The following PHF20L1 variants were observed in gnomAD, a reference collection of about 807,000 sequenced individuals.
PHF20L1 encodes the protein PHD finger protein 20 like 1, also known as PHD finger protein 20-like protein 1.
PHF20L1 carries 44 observed loss-of-function variants against 125.5 expected under a neutral mutation model. That is an observed-to-expected ratio of 0.35 (90% CI 0.28 to 0.45). The LOEUF is 0.45. Among genes scored for constraint, PHF20L1 ranks in the 20% least tolerant of loss-of-function variants. The pLI is 1.00. For missense variants in PHF20L1, 1,012 were observed against 1,217.2 expected (o/e 0.83, Z 2.51); for synonymous variants, 380 against 403.1 (o/e 0.94, Z 0.69).
chr8:132,816,852 G>A (rs768957517), intron 10 of PHF20L1, 36 bp from the exon 11 acceptor site: 1 of 1,361,874 alleles, frequency 7.3e-7, no homozygotes, highest in Admixed American at 1.7e-5. Context: ...CTCCTGGTAT[G>A]TATCTGCTTC....
chr8:132,789,521 A>G (rs900471334), intron 2 of PHF20L1, among the ~76,000 whole-genome samples: 1 of 152,206 alleles, frequency 6.6e-6, no homozygotes, highest in Non-Finnish European at 1.5e-5. Context: ...TGTTAAATTC[A>G]GCAAGAATCA....
intron 18 of PHF20L1, 143 bp from the exon 19 acceptor site, chr8:132,842,372 G>A: frequency 1.8e-6 from 1 of 561,696 alleles, no homozygotes; most frequent in Non-Finnish European, 2.9e-6. Context: ...AATCATGGAG[G>A]GAGTTAATTT....
At chr8:132,781,423 TA>T (rs1439975154) in intron 2 of PHF20L1, among the ~76,000 whole-genome samples, 11 of 152,322 alleles carry the variant, frequency 7.2e-5, no homozygotes, top group Non-Finnish European at 1.3e-4. Context: ...TTATTTTATT[TA>T]TTTTTTTGAG....
rs142829706 is a variant in PHF20L1, at chr8:132,790,857, A to G, written c.84-3553A>G. Among the ~76,000 whole-genome samples, 670 of 152,328 alleles carry G rather than the reference A, an allele frequency of 4.4e-3. 4 individuals are homozygous for G. The highest frequency in any genetic ancestry group is 0.015 in the African/African-American group (635 of 41,568). On this transcript the variant is annotated intron_variant, in intron 2 of 20. Coordinates refer to ENST00000395386, the MANE Select transcript of PHF20L1 (RefSeq NM_016018.5). ...AACATCTCCCGAGAACCTTCAGTAA[A>G]TTCCCAGATTTTCTATGGACTATTA...
chr8:132,809,622 C>T (rs1420258087), intron 8 of PHF20L1: 2 of 152,144 alleles, frequency 1.3e-5, no homozygotes, highest in Non-Finnish European at 2.9e-5. Flanking sequence ...ATGTTGTGGA[C>T]AGCTTCTGTA....
chr8:132,798,910 G>A (rs780663817), intron 5 of PHF20L1, 50 bp downstream of exon 5: 5 of 1,250,406 alleles, frequency 4.0e-6, no homozygotes, highest in East Asian at 2.5e-5. Flanking sequence ...CTTCTTGAAC[G>A]GTGACTGATC....
intron 2 of PHF20L1, among the ~76,000 whole-genome samples, chr8:132,785,972 G>A (rs1224978658): frequency 6.6e-6 from 1 of 151,980 alleles, no homozygotes; most frequent in Admixed American, 6.6e-5. Flanking sequence ...GAATTTTGTT[G>A]GGTTTAAAAA....
At chr8:132,845,472 AGTGTGT>A (rs1838341460) in intron 20 of PHF20L1, among the ~76,000 whole-genome samples, 1 of 151,910 alleles carries the variant, frequency 6.6e-6, no homozygotes, top group Admixed American at 6.6e-5. Flanking sequence ...AAATGAAGTT[AGTGTGT>A]GTATATGTTT....
chr8:132,776,306 G>A (rs942582085), intron 1 of PHF20L1, among the ~76,000 whole-genome samples: 3 of 152,112 alleles, frequency 2.0e-5, no homozygotes, highest in African/African-American at 7.2e-5. Flanking sequence ...TGGGCTCTAA[G>A]TTTGATTCTA....
chr8:132,786,198 ATT>A (rs761554194), intron 2 of PHF20L1, among the ~76,000 whole-genome samples: 8 of 152,104 alleles, frequency 5.3e-5, no homozygotes, highest in Non-Finnish European at 8.8e-5. Flanking sequence ...TAATTTAAAA[ATT>A]TATGAGTTTC....
chr8:132,824,082 T>A, intron 13 of PHF20L1, 22 bp downstream of exon 13: 1 of 1,488,000 alleles, frequency 6.7e-7, no homozygotes, highest in Non-Finnish European at 9.3e-7. Context: ...AAGTAATCTT[T>A]AAGCAAAAGA....
At chr8:132,835,050 A>G (rs1211449178) in intron 15 of PHF20L1, among the ~76,000 whole-genome samples, 1 of 152,126 alleles carries the variant, frequency 6.6e-6, no homozygotes, top group African/African-American at 2.4e-5. Flanking sequence ...AATAGCGTGA[A>G]TTTTTAAAGT....
At chr8:132,817,752 A>G (rs1042022827) in intron 12 of PHF20L1, 1 of 515,210 alleles carries the variant, frequency 1.9e-6, no homozygotes, top group South Asian at 2.7e-5. Context: ...CTGGACATAC[A>G]TGCTGCTTAA....
Position 132,784,037 on chromosome 8 carries a change from T to TA in PHF20L1, c.83+6128dup, listed in dbSNP as rs1446304092. On this transcript the variant is annotated intron_variant, in intron 2 of 20. Transcript: ENST00000395386. ...CCAGTGCACAAACATTTTACTTCTT[T>TA]AACTTTTAAAATTTCCACAAAAGAA... Among the ~76,000 whole-genome samples, 24 of 152,318 alleles carry TA rather than the reference T, an allele frequency of 1.6e-4. No individual in the cohort carries two copies. The South Asian group carries it at 4.8e-3, about 30-fold the overall frequency.
intron 4 of PHF20L1, among the ~76,000 whole-genome samples, chr8:132,797,136 A>G (rs952117298): frequency 6.6e-6 from 1 of 152,034 alleles, no homozygotes; most frequent in Non-Finnish European, 1.5e-5. Context: ...CAGTGAACAC[A>G]TAGTGAAATA....
intron 15 of PHF20L1, 106 bp downstream of exon 15, chr8:132,832,505 C>T: frequency 1.4e-6 from 1 of 729,636 alleles, no homozygotes; most frequent in Non-Finnish European, 2.2e-6. Flanking sequence ...AACTTGTTAG[C>T]TAAACTAATA....
At chr8:132,836,191 G>T (rs1406457724) in intron 15 of PHF20L1, among the ~76,000 whole-genome samples, 1 of 152,090 alleles carries the variant, frequency 6.6e-6, no homozygotes, top group Non-Finnish European at 1.5e-5. Flanking sequence ...ACAACACAGG[G>T]TTTTTATGAG....
intron 2 of PHF20L1, among the ~76,000 whole-genome samples, chr8:132,786,675 C>T (rs576353371): frequency 3.3e-5 from 5 of 152,194 alleles, no homozygotes; most frequent in African/African-American, 1.2e-4. Context: ...TTCATTACCT[C>T]TTTTAACATG....
chr8:132,824,924 G>A (rs747627176), intron 13 of PHF20L1: 38 of 746,012 alleles, frequency 5.1e-5, no homozygotes, highest in Non-Finnish European at 7.1e-5. Flanking sequence ...GAAATGCTGA[G>A]TCTCTTCATT....
Sources: allele counts gnomAD v4.1 joint callset (sites outside exome capture counted in the v4.1 genomes callset), GRCh38; gene constraint gnomAD v4.1.1; transcripts MANE v1.5; gene names NCBI Gene and HGNC (gene_info 2026-07-23, HGNC 2026-07-21).